The following CEMIP variants were observed in gnomAD, a reference collection of about 807,000 sequenced individuals.
The protein encoded by CEMIP is cell migration inducing hyaluronidase 1, also known as cell migration-inducing and hyaluronan-binding protein.
Under a neutral mutation model 156.9 loss-of-function variants are expected in CEMIP, and 105 were observed. The ratio of observed to expected loss-of-function variants is 0.67; its 90% confidence interval spans 0.57 to 0.79. The LOEUF is 0.79. CEMIP is among the 30% of genes least tolerant of loss of function. The pLI, the probability that CEMIP is intolerant of heterozygous loss-of-function variation, is 0.00. For missense variants in CEMIP, 1,457 were observed against 1,769.4 expected, an observed-to-expected ratio of 0.82 and a Z score of 3.17; for synonymous variants, 676 against 668.4, an observed-to-expected ratio of 1.01 and a Z score of -0.17.
At position 80,861,924 on chromosome 15, in the gene CEMIP, T is replaced by C. The variant is rs143883079; in HGVS notation, c.-175-11614T>C. Among the ~76,000 whole-genome samples the C allele has an allele frequency of 9.8e-5, 15 of 152,352 alleles. No homozygotes were observed. In the East Asian group the frequency reaches 2.7e-3, roughly 27 times the overall value. On this transcript the variant is annotated intron_variant, in intron 1 of 29. Coordinates refer to ENST00000394685, the MANE Select transcript of CEMIP (RefSeq NM_001293298.2). The stretch of plus-strand genomic sequence containing the variant: ...CATCTTACCTTTGAGGTCTTTGAAC[T>C]CTGTGATCTAGCTGCTCTTGGCATC...
Position 80,909,320 on chromosome 15 carries a change from T to A in CEMIP, c.1797+14T>A. On this transcript the variant is annotated intron_variant, in intron 14 of 29. Coordinates refer to ENST00000394685, the MANE Select transcript of CEMIP (RefSeq NM_001293298.2). ...AATGGCTTGTTGGTAAGAACCTCCT[T>A]CCCTCAGGGAACTCTGGGGATGGGC... 6.2e-7 allele frequency: 1 copy of A among 1,613,500 alleles called. No individual in the cohort carries two copies. Among genetic ancestry groups the A allele is most frequent in the African/African-American group, 1.3e-5 (1 of 74,970 alleles).
intron 1 of CEMIP, among the ~76,000 whole-genome samples, chr15:80,781,105 A>G (rs1402463279): frequency 6.6e-6 from 1 of 152,212 alleles, no homozygotes; most frequent in Non-Finnish European, 1.5e-5. Flanking sequence ...CGACCCAGGC[A>G]GTGAGATAAT....
At chr15:80,859,589 G>A (rs1011206322) in intron 1 of CEMIP, among the ~76,000 whole-genome samples, 16 of 152,338 alleles carry the variant, frequency 1.1e-4, no homozygotes, top group South Asian at 2.1e-4. Context: ...TCCACATGCC[G>A]GAAGGCAATG....
At chr15:80,802,326 A>T (rs1259494243) in intron 1 of CEMIP, among the ~76,000 whole-genome samples, 1 of 152,250 alleles carries the variant, frequency 6.6e-6, no homozygotes, top group African/African-American at 2.4e-5. Flanking sequence ...TAAGCCATCA[A>T]CGGCTGCTGG....
chr15:80,863,318 A>G (rs1223510223), intron 1 of CEMIP, among the ~76,000 whole-genome samples: 17 of 152,218 alleles, frequency 1.1e-4, no homozygotes. Flanking sequence ...AGAGCCGGCA[A>G]ATAGCCAGAT....
At chr15:80,868,463 C>T (rs1898189201) in intron 1 of CEMIP, among the ~76,000 whole-genome samples, 1 of 151,810 alleles carries the variant, frequency 6.6e-6, no homozygotes, top group Non-Finnish European at 1.5e-5. Flanking sequence ...AGCACCTCAG[C>T]CCCCACCCCA....
At chr15:80,884,854 C>G (rs1009168863) in intron 7 of CEMIP, among the ~76,000 whole-genome samples, 3 of 152,220 alleles carry the variant, frequency 2.0e-5, no homozygotes, top group Non-Finnish European at 4.4e-5. Flanking sequence ...TTGGCATGCA[C>G]ACACATTGAC....
At chr15:80,783,158 T>G (rs1343818557) in intron 1 of CEMIP, among the ~76,000 whole-genome samples, 1 of 152,258 alleles carries the variant, frequency 6.6e-6, no homozygotes, top group Non-Finnish European at 1.5e-5. Flanking sequence ...GCTGCTTAAG[T>G]GACCTCTTTT....
At position 80,915,446 on chromosome 15, in the gene CEMIP, C is replaced by T. The variant is rs115612688; in HGVS notation, c.1798-4648C>T. ...AATTTTCTAACTCTTATAATTGTTG[C>T]AAAGGCATTTTCAATCTCTCCTTTC... On this transcript the variant is annotated intron_variant, in intron 14 of 29. Coordinates refer to ENST00000394685, the MANE Select transcript of CEMIP (RefSeq NM_001293298.2). Among the ~76,000 whole-genome samples the T allele has an allele frequency of 7.1e-3, 1,082 of 152,298 alleles. 10 individuals carry two copies. Among genetic ancestry groups the T allele is most frequent in the African/African-American group, 0.025 (1,030 of 41,560 alleles).
intron 1 of CEMIP, among the ~76,000 whole-genome samples, chr15:80,781,733 T>C (rs929171270): frequency 1.3e-5 from 2 of 152,240 alleles, no homozygotes; most frequent in Non-Finnish European, 2.9e-5. Context: ...TTTGCTGATA[T>C]GTAAACTGGG....
intron 1 of CEMIP, among the ~76,000 whole-genome samples, chr15:80,808,958 T>C (rs993190223): frequency 3.9e-5 from 6 of 152,182 alleles, no homozygotes; most frequent in Admixed American, 6.5e-5. Flanking sequence ...ATGCCAGTGA[T>C]TGGGGACAAG....
intron 1 of CEMIP, among the ~76,000 whole-genome samples, chr15:80,847,517 G>T (rs1355566350): frequency 1.3e-5 from 2 of 152,218 alleles, no homozygotes; most frequent in African/African-American, 4.8e-5. Flanking sequence ...TGTGAAGAAA[G>T]TAAAGATCCA....
chr15:80,878,234 G>A (rs192802813), intron 3 of CEMIP, among the ~76,000 whole-genome samples: 13 of 152,296 alleles, frequency 8.5e-5, no homozygotes, highest in East Asian at 1.9e-4. Flanking sequence ...ATGTTGCTAC[G>A]TAACAATTTA....
At position 80,896,059 on chromosome 15, in the gene CEMIP, A is replaced by G. The variant is rs201833164; in HGVS notation, c.1410A>G (p.Ala470=). 4.2e-4 allele frequency: 671 copies of G among 1,613,822 alleles called. No individual in the cohort carries two copies. The highest frequency in any genetic ancestry group is 5.2e-4 in the Non-Finnish European group (618 of 1,179,986). Residue 470 remains alanine, a splice_region_variant and synonymous_variant, in exon 12 of 30, where the codon GCA becomes GCG. Transcript: ENST00000394685. ...RSCAPNQVKV[A]GKPMYLHIGE... ...GCGCCCCCAACCAGGTCAAAGTGGC[A>G]GGTAGGACTTTTACTAATCCCTTCC...
chr15:80,895,868 G>A lies in CEMIP; in HGVS notation c.1220-1G>A. On this transcript the variant is annotated splice_acceptor_variant, in intron 11 of 29. Coordinates refer to ENST00000394685, the MANE Select transcript of CEMIP (RefSeq NM_001293298.2). LOFTEE classifies it high-confidence loss of function. ...TCAGTCTTTCCTGTTTTGGGTTACA[G>A]TGAGGCCCAAACTCACAGTCACCAT... 1 of 1,614,176 alleles carries A rather than the reference G, an allele frequency of 6.2e-7. No individual in the cohort carries two copies. Among genetic ancestry groups the A allele is most frequent in the African/African-American group, 1.3e-5 (1 of 75,046 alleles).
rs371454398 is a variant in CEMIP, at chr15:80,929,192, T to C, written c.2612+18T>C. 2.7e-5 allele frequency: 43 copies of C among 1,614,062 alleles called. No individual in the cohort carries two copies. Among genetic ancestry groups the C allele is most frequent in the Non-Finnish European group, 3.6e-5 (42 of 1,180,016 alleles). ...ATAGGCCAGTAGGTTTGCAACCATG[T>C]AGCTCCTTATTCTGAGTGGCTTAAC... On this transcript the variant is annotated intron_variant, in intron 21 of 29. Transcript: ENST00000394685.
chr15:80,887,629 C>A, intron 7 of CEMIP, 65 bp from the exon 8 acceptor site: 1 of 1,293,678 alleles, frequency 7.7e-7, no homozygotes, highest in Non-Finnish European at 1.1e-6. Context: ...CCCATCCCCC[C>A]ACACTCTGTG....
intron 6 of CEMIP, among the ~76,000 whole-genome samples, chr15:80,881,564 C>G (rs1294039812): frequency 1.3e-5 from 2 of 152,134 alleles, no homozygotes; most frequent in Admixed American, 1.3e-4. Flanking sequence ...TATGAAAGGG[C>G]ATGACATTCT....
At chr15:80,880,438 ATTG>A (rs1359147371) in intron 5 of CEMIP, among the ~76,000 whole-genome samples, 1 of 152,048 alleles carries the variant, frequency 6.6e-6, no homozygotes, top group African/African-American at 2.4e-5. Flanking sequence ...TTTTGTTGTT[ATTG>A]TTGTTGTTGT....
Sources: allele counts gnomAD v4.1 joint callset (sites outside exome capture counted in the v4.1 genomes callset), GRCh38; gene constraint gnomAD v4.1.1; transcripts MANE v1.5; gene names NCBI Gene and HGNC (gene_info 2026-07-23, HGNC 2026-07-21).